Variants in LRBA observed in about 807,000 individuals in gnomAD.
The protein encoded by LRBA is LPS responsive beige-like anchor protein, also known as lipopolysaccharide-responsive and beige-like anchor protein.
LRBA carries 176 observed loss-of-function variants against 330.0 expected under a neutral mutation model. The observed-to-expected ratio is 0.53, with a 90% CI of 0.47 to 0.60. The LOEUF is 0.60. Among genes scored for constraint, LRBA ranks in the 20% least tolerant of loss-of-function variants. The pLI is 0.00. For missense variants in LRBA, 3,259 were observed against 3,444.8 expected, an observed-to-expected ratio of 0.95 and a Z score of 1.35; for synonymous variants, 1,230 against 1,193.0, an observed-to-expected ratio of 1.03 and a Z score of -0.64.
intron 47 of LRBA, among the ~76,000 whole-genome samples, chr4:150,382,538 G>A (rs10022107): frequency 0.06 from 9,062 of 151,642 alleles, 427 homozygotes; most frequent in East Asian, 0.18. Flanking sequence ...CAAGAGAATC[G>A]CTTGAGCCTG....
At chr4:150,569,532 C>T (rs775033780) in intron 40 of LRBA, among the ~76,000 whole-genome samples, 2 of 152,114 alleles carry the variant, frequency 1.3e-5, no homozygotes, top group Non-Finnish European at 2.9e-5. Flanking sequence ...GCCATTTCAT[C>T]CAGACTGGAC....
intron 34 of LRBA, among the ~76,000 whole-genome samples, chr4:150,778,307 GGTCAGTTAGTAAAGAACTGAATAAAGA>G (rs1187580054): frequency 6.6e-6 from 1 of 151,946 alleles, no homozygotes; most frequent in Non-Finnish European, 1.5e-5. Flanking sequence ...AAATATTACA[GGTCAGTTAGTAAAGAACTGAATAAAGA>G]GAAAGTAACT....
intron 47 of LRBA, among the ~76,000 whole-genome samples, chr4:150,372,703 T>A (rs898565307): frequency 3.6e-5 from 3 of 84,156 alleles, no homozygotes; most frequent in Non-Finnish European, 9.4e-5. Context: ...GTAAAAACAA[T>A]ATGTTCCTTA....
intron 56 of LRBA, among the ~76,000 whole-genome samples, chr4:150,271,766 A>T (rs537710930): frequency 2.1e-4 from 32 of 152,176 alleles, no homozygotes; most frequent in Admixed American, 5.2e-4. Flanking sequence ...GGTGGAGCTC[A>T]CTGCAGCTCA....
chr4:150,304,247 G>A (rs1015599787), intron 52 of LRBA, among the ~76,000 whole-genome samples: 1 of 152,092 alleles, frequency 6.6e-6, no homozygotes, highest in Admixed American at 6.5e-5. Flanking sequence ...CATATCAAGT[G>A]TATTTAACTT....
chr4:150,775,249 T>C (rs1173146651), intron 34 of LRBA, among the ~76,000 whole-genome samples: 3 of 152,128 alleles, frequency 2.0e-5, no homozygotes, highest in African/African-American at 7.2e-5. Flanking sequence ...TACACGGAAG[T>C]GTATCTTCAA....
intron 46 of LRBA, among the ~76,000 whole-genome samples, chr4:150,420,443 A>G (rs1383600949): frequency 3.6e-5 from 4 of 112,098 alleles, no homozygotes; most frequent in African/African-American, 1.3e-4. Flanking sequence ...TATATAATAC[A>G]TATATAATAT....
intron 40 of LRBA, among the ~76,000 whole-genome samples, chr4:150,560,549 GA>G (rs370871609): frequency 1.4e-3 from 212 of 152,206 alleles, no homozygotes; most frequent in African/African-American, 4.8e-3. Flanking sequence ...TACCACTGGC[GA>G]ATCATTCATA....
intron 37 of LRBA, among the ~76,000 whole-genome samples, chr4:150,644,961 A>G (rs1778993367): frequency 6.6e-6 from 1 of 151,718 alleles, no homozygotes; most frequent in Admixed American, 6.6e-5. Flanking sequence ...AAATATTGGA[A>G]TTTATCATGT....
chr4:150,630,364 G>A (rs111583650), intron 37 of LRBA, among the ~76,000 whole-genome samples: 3 of 151,156 alleles, frequency 2.0e-5, no homozygotes, highest in African/African-American at 7.3e-5. Flanking sequence ...TTACAGCAGC[G>A]ATGCCCAAAG....
intron 53 of LRBA, among the ~76,000 whole-genome samples, chr4:150,300,550 G>C (rs1011251167): frequency 1.3e-5 from 2 of 151,810 alleles, no homozygotes; most frequent in African/African-American, 2.4e-5. Context: ...ACTCAGTTCT[G>C]TTGTTGCTTT....
chr4:150,393,812 T>G (rs556913194), intron 47 of LRBA, among the ~76,000 whole-genome samples: 1 of 152,338 alleles, frequency 6.6e-6, no homozygotes, highest in East Asian at 1.9e-4. Flanking sequence ...ATAGCATCAT[T>G]GATCTCAAGT....
chr4:150,546,103 T>C (rs1765833131), intron 40 of LRBA, among the ~76,000 whole-genome samples: 1 of 152,160 alleles, frequency 6.6e-6, no homozygotes, highest in African/African-American at 2.4e-5. Context: ...AAGAAAGATT[T>C]GTGTATTTTG....
chr4:150,633,853 A>C (rs1451048868), intron 37 of LRBA, among the ~76,000 whole-genome samples: 1 of 152,144 alleles, frequency 6.6e-6, no homozygotes, highest in Admixed American at 6.6e-5. Context: ...GGTGGCTCAC[A>C]CCTGTAATCC....
At position 150,828,383 on chromosome 4, in the gene LRBA, A is replaced by AT; in HGVS notation, c.4967dup (p.Asn1656LysfsTer2). On this transcript the variant is annotated frameshift_variant, in exon 30 of 57. Coordinates refer to ENST00000651943, the MANE Select transcript of LRBA (RefSeq NM_001364905.1). LOFTEE classifies it high-confidence loss of function. The stretch of plus-strand genomic sequence containing the variant: ...TAGTGTCCAAGTCATTTCCTCTATC[A>AT]TTTTTGGTTTCCGGAGACTTATTGA... 2 of 1,614,034 alleles carry AT rather than the reference A, an allele frequency of 1.2e-6. No homozygotes were observed. Among genetic ancestry groups the AT allele is most frequent in the Non-Finnish European group, 1.7e-6 (2 of 1,179,984 alleles).
chr4:150,582,281 C>A (rs753930394), intron 40 of LRBA: 2 of 151,922 alleles, frequency 1.3e-5, no homozygotes, highest in Non-Finnish European at 2.9e-5. Flanking sequence ...CAAGGAGAAC[C>A]CACTACAAAC....
At chr4:150,724,899 T>TAC (rs1729460775) in intron 36 of LRBA, among the ~76,000 whole-genome samples, 2 of 146,942 alleles carry the variant, frequency 1.4e-5, no homozygotes, top group African/African-American at 5.0e-5. Flanking sequence ...TATATGTATA[T>TAC]ATATACACAC....
chr4:150,647,613 G>C (rs1022617232), intron 37 of LRBA, among the ~76,000 whole-genome samples: 2 of 151,662 alleles, frequency 1.3e-5, no homozygotes, highest in Non-Finnish European at 1.5e-5. Context: ...TGCCCAGGCT[G>C]GTCTTGAACT....
rs571301232 is a variant in LRBA, at chr4:150,968,160, A to G, written c.217-39095T>C. Reference sequence around the variant, plus strand: ...GCTGGGATTCCAGGCATCTGCCACCATGTCTGGCTAATTTTTGTATTTTAG... The same window carrying G: ...GCTGGGATTCCAGGCATCTGCCACCGTGTCTGGCTAATTTTTGTATTTTAG... On this transcript the variant is annotated intron_variant, in intron 2 of 56. Transcript: ENST00000651943. 5.3e-5 allele frequency among the ~76,000 whole-genome samples: 8 copies of G among 152,066 alleles called. No homozygotes were observed. The East Asian group carries it at 1.5e-3, about 29-fold the overall frequency.
Sources: gnomAD v4.1 joint callset for allele counts (sites outside exome capture counted in the v4.1 genomes callset) on GRCh38, gnomAD v4.1.1 for gene constraint, MANE v1.5 for transcripts, NCBI Gene and HGNC (gene_info 2026-07-23, HGNC 2026-07-21) for gene names.